Variants in USP34 observed in about 807,000 individuals in gnomAD.
The protein encoded by USP34 is ubiquitin carboxyl-terminal hydrolase 34.
Under a neutral mutation model 460.3 loss-of-function variants are expected in USP34, and 70 were observed. That is an observed-to-expected ratio of 0.15 (90% confidence interval 0.13 to 0.19). The LOEUF (loss-of-function observed/expected upper bound fraction) is 0.19. Ranked by LOEUF, USP34 falls within the 10% of genes least tolerant of loss-of-function variation. The pLI is 1.00. For missense variants in USP34, 3,985 were observed against 4,236.2 expected, an observed-to-expected ratio of 0.94 and a Z score of 1.65; for synonymous variants, 1,647 against 1,405.3, an observed-to-expected ratio of 1.17 and a Z score of -3.85.
intron 1 of USP34, among the ~76,000 whole-genome samples, chr2:61,437,744 G>C (rs1694853106): frequency 6.6e-6 from 1 of 150,562 alleles, no homozygotes; most frequent in African/African-American, 2.5e-5. Context: ...CTGCACTCCA[G>C]CCTGGGCAAC....
chr2:61,429,334 C>G (rs943954261), intron 1 of USP34, among the ~76,000 whole-genome samples: 2 of 152,086 alleles, frequency 1.3e-5, no homozygotes, highest in African/African-American at 2.4e-5. Flanking sequence ...GTAGTCCCAG[C>G]TACTTGGGAG....
At chr2:61,445,214 A>T (rs2104038592) in intron 1 of USP34, among the ~76,000 whole-genome samples, 1 of 143,324 alleles carries the variant, frequency 7.0e-6, no homozygotes, top group Non-Finnish European at 1.5e-5. Flanking sequence ...TCAACAGCAG[A>T]ACCACACTAA....
chr2:61,350,528 A>C (rs770870599), intron 11 of USP34, 40 bp downstream of exon 11: 1 of 1,569,480 alleles, frequency 6.4e-7, no homozygotes, highest in South Asian at 1.2e-5. Flanking sequence ...TTTTCACTTC[A>C]CGGGAAAAAA....
rs1331560216 is a variant in USP34 at position 61,188,594 on chromosome 2, CGTT to C, written c.10146_10148del (p.Thr3383del). On this transcript the variant is annotated inframe_deletion, in exon 80 of 80. Transcript: ENST00000398571. The stretch of plus-strand genomic sequence containing the variant: ...CTCTGGTCTCATTGTCAGAAGTGCT[CGTT>C]GGGGTCAGGACCTCCCTGGTTTCTG... 1.2e-6 allele frequency: 2 copies of C among 1,614,166 alleles called. No individual in the cohort carries two copies. The highest frequency in any genetic ancestry group is 2.7e-5 in the African/African-American group (2 of 75,028).
At chr2:61,221,674 CAT>C in intron 65 of USP34, 68 bp from the exon 66 acceptor site, 1 of 1,428,492 alleles carries the variant, frequency 7.0e-7, no homozygotes, top group Non-Finnish European at 9.7e-7. Flanking sequence ...AGAGAAGAAA[CAT>C]ATATTCTACT....
At chr2:61,316,737 T>C (rs1410195403) in intron 23 of USP34, among the ~76,000 whole-genome samples, 1 of 151,360 alleles carries the variant, frequency 6.6e-6, no homozygotes, top group Non-Finnish European at 1.5e-5. Flanking sequence ...ATACAAAAAT[T>C]AGTCAGGCAT....
chr2:61,342,389 A>G (rs1191221206), intron 16 of USP34, among the ~76,000 whole-genome samples: 3 of 145,310 alleles, frequency 2.1e-5, no homozygotes, highest in Admixed American at 1.4e-4. Flanking sequence ...CAACCTCCAC[A>G]GCCTGGGTTC....
intron 75 of USP34, chr2:61,200,851 A>T (rs1409442544): frequency 3.9e-5 from 6 of 152,278 alleles, no homozygotes; most frequent in Non-Finnish European, 7.4e-5. Context: ...CGGTCAGCTC[A>T]AACTGTGGGA....
chr2:61,241,916 A>G, intron 51 of USP34, 97 bp from the exon 52 acceptor site: 1 of 655,628 alleles, frequency 1.5e-6, no homozygotes, highest in East Asian at 3.3e-5. Flanking sequence ...TTTTATACTT[A>G]ATAGTAACTT....
At chr2:61,222,743 C>T in intron 64 of USP34, 80 bp from the exon 65 acceptor site, 1 of 1,362,788 alleles carries the variant, frequency 7.3e-7, no homozygotes, top group Non-Finnish European at 1.0e-6. Flanking sequence ...GTCACCCAGG[C>T]TGGGATGCAG....
chr2:61,434,639 GTACAGAT>G (rs1694763620), intron 1 of USP34, among the ~76,000 whole-genome samples: 1 of 152,140 alleles, frequency 6.6e-6, no homozygotes, highest in Non-Finnish European at 1.5e-5. Flanking sequence ...AATGTCACTA[GTACAGAT>G]TACAGATGAA....
At chr2:61,347,846 A>G (rs374585518) in intron 15 of USP34, 24 bp downstream of exon 15, 16 of 1,606,268 alleles carry the variant, frequency 1.0e-5, no homozygotes, top group African/African-American at 6.7e-5. Flanking sequence ...TATGAACTGA[A>G]TATTTATTTT....
chr2:61,191,093 T>C (rs918286811), intron 76 of USP34: 1 of 156,300 alleles, frequency 6.4e-6, no homozygotes, highest in Non-Finnish European at 1.4e-5. Context: ...TTCTCCAAAA[T>C]GTTTTAAACT....
intron 48 of USP34, chr2:61,250,315 T>C (rs1244170348): frequency 1.1e-5 from 2 of 183,732 alleles, no homozygotes; most frequent in African/African-American, 2.4e-5. Context: ...GGACATGGGA[T>C]TGGTTGAGTT....
chr2:61,361,265 T>C (rs1283232608), intron 10 of USP34, among the ~76,000 whole-genome samples: 1 of 151,932 alleles, frequency 6.6e-6, no homozygotes, highest in Non-Finnish European at 1.5e-5. Context: ...TTTAAAAAAA[T>C]TAAAAGTTAG....
intron 39 of USP34, among the ~76,000 whole-genome samples, chr2:61,279,408 G>A (rs142265406): frequency 2.6e-5 from 4 of 152,128 alleles, no homozygotes; most frequent in African/African-American, 7.2e-5. Context: ...CATTTTAGTC[G>A]ACTAAATTTA....
intron 75 of USP34, among the ~76,000 whole-genome samples, chr2:61,201,492 C>T (rs560188450): frequency 4.6e-5 from 7 of 152,100 alleles, no homozygotes; most frequent in African/African-American, 7.2e-5. Flanking sequence ...GGATTACAAG[C>T]GTGAGCCACC....
At position 61,208,845 on chromosome 2, in the gene USP34, G is replaced by C. The variant is rs1687191648; in HGVS notation, c.8919+54C>G. ...CTAAATGTCTATAAAGTAAGTCTTG[G>C]TGAGAACATTAAAATGAGATAATAT... On this transcript the variant is annotated intron_variant, in intron 70 of 79. Coordinates refer to ENST00000398571, the MANE Select transcript of USP34 (RefSeq NM_014709.4). 3.0e-6 allele frequency: 4 copies of C among 1,342,014 alleles called. No individual in the cohort carries two copies. In the Admixed American group the frequency reaches 6.4e-5, roughly 22 times the overall value. The allele number at this position is 1,342,014 out of a possible 1,614,324, so 83.1% of individuals were successfully genotyped here. A position where few individuals can be genotyped will look rare whatever the true frequency, so the allele number is the denominator to read the frequency against.
At chr2:61,410,108 T>C (rs1027669317) in intron 2 of USP34, among the ~76,000 whole-genome samples, 8 of 152,082 alleles carry the variant, frequency 5.3e-5, no homozygotes, top group African/African-American at 1.9e-4. Flanking sequence ...CAGAGGACTT[T>C]GGGATGATTC....
Sources: allele counts gnomAD v4.1 joint callset (sites outside exome capture counted in the v4.1 genomes callset), GRCh38; gene constraint gnomAD v4.1.1; transcripts MANE v1.5; gene names NCBI Gene and HGNC (gene_info 2026-07-23, HGNC 2026-07-21).